Variants in PIP4K2A observed in about 807,000 individuals in gnomAD.
The protein encoded by PIP4K2A is phosphatidylinositol-5-phosphate 4-kinase type 2 alpha.
A neutral mutation model predicts 42.9 loss-of-function variants in PIP4K2A; 14 were observed. That is an observed-to-expected ratio of 0.33 (90% CI 0.22 to 0.51). The LOEUF is 0.51. Among genes scored for constraint, PIP4K2A ranks in the 20% least tolerant of loss-of-function variants. PIP4K2A has a pLI of 0.97. For missense variants in PIP4K2A, 434 were observed against 519.8 expected (o/e 0.83, Z 1.61); for synonymous variants, 192 against 192.2 (o/e 1.00, Z 0.01).
intron 1 of PIP4K2A, among the ~76,000 whole-genome samples, chr10:22,664,093 A>C: frequency 1.4e-5 from 1 of 71,636 alleles, no homozygotes; most frequent in East Asian, 2.8e-4. Context: ...ATATATACAT[A>C]TATATATATA....
At chr10:22,679,305 T>G (rs1342783624) in intron 1 of PIP4K2A, among the ~76,000 whole-genome samples, 1 of 152,204 alleles carries the variant, frequency 6.6e-6, no homozygotes, top group Non-Finnish European at 1.5e-5. Flanking sequence ...AATAAGTATA[T>G]GGATACCTCC....
At chr10:22,574,773 A>G (rs1224768126) in intron 4 of PIP4K2A, among the ~76,000 whole-genome samples, 4 of 152,178 alleles carry the variant, frequency 2.6e-5, no homozygotes, top group African/African-American at 9.7e-5. Context: ...TGAGTGAAAC[A>G]TTTTCTATTT....
Position 22,539,894 on chromosome 10 carries a change from A to G in PIP4K2A, c.1140+77T>C, listed in dbSNP as rs182207919. The G allele has an allele frequency of 1.5e-5, 9 of 620,458 alleles. No homozygotes were observed. The African/African-American group carries it at 2.7e-4, about 19-fold the overall frequency. 38.4% of individuals were successfully genotyped at this position (620,458 alleles called of 1,614,324 possible). On this transcript the variant is annotated intron_variant, in intron 9 of 9. Coordinates refer to ENST00000376573, the MANE Select transcript of PIP4K2A (RefSeq NM_005028.5). ...GTCACACAGAGGAGCCAGGAGAGAG[A>G]GAGAGAGAGAGAGAGAGGGAGAGAG... is the stretch of plus-strand genomic sequence containing the variant.
At chr10:22,668,480 T>TCA (rs1839391469) in intron 1 of PIP4K2A, among the ~76,000 whole-genome samples, 1 of 152,198 alleles carries the variant, frequency 6.6e-6, no homozygotes, top group Non-Finnish European at 1.5e-5. Flanking sequence ...CTGGATCATA[T>TCA]TGAAATATCA....
At chr10:22,537,711 A>T (rs1031661150) in intron 9 of PIP4K2A, among the ~76,000 whole-genome samples, 5 of 152,216 alleles carry the variant, frequency 3.3e-5, no homozygotes, top group African/African-American at 9.6e-5. Flanking sequence ...CTTAATGACG[A>T]TGACTTAAAA....
intron 4 of PIP4K2A, among the ~76,000 whole-genome samples, chr10:22,576,124 C>G (rs1837113877): frequency 6.6e-6 from 1 of 152,066 alleles, no homozygotes; most frequent in Non-Finnish European, 1.5e-5. Context: ...TACTGCCAAG[C>G]TGCAGGTGAT....
At chr10:22,655,871 T>C (rs1314305718) in intron 1 of PIP4K2A, among the ~76,000 whole-genome samples, 1 of 152,134 alleles carries the variant, frequency 6.6e-6, no homozygotes, top group Non-Finnish European at 1.5e-5. Context: ...CCTTAAGAGC[T>C]GAGTGTGTTG....
chr10:22,575,299 C>A (rs750309915), intron 4 of PIP4K2A, among the ~76,000 whole-genome samples: 1 of 152,136 alleles, frequency 6.6e-6, no homozygotes, highest in African/African-American at 2.4e-5. Context: ...TGCTCCGAGG[C>A]AGTTATTTTT....
At chr10:22,712,913 G>GGTGT (rs35439666) in intron 1 of PIP4K2A, among the ~76,000 whole-genome samples, 2,384 of 147,562 alleles carry the variant, frequency 0.016, 33 homozygotes, top group African/African-American at 0.034. Context: ...CTACATTGAG[G>GGTGT]GTGTGTGTGT....
At chr10:22,658,763 G>C (rs1252096029) in intron 1 of PIP4K2A, among the ~76,000 whole-genome samples, 1 of 152,166 alleles carries the variant, frequency 6.6e-6, no homozygotes, top group Non-Finnish European at 1.5e-5. Flanking sequence ...TTACATACAT[G>C]ATCTCAAAAA....
At chr10:22,562,269 C>G (rs1193536112) in intron 6 of PIP4K2A, among the ~76,000 whole-genome samples, 3 of 152,164 alleles carry the variant, frequency 2.0e-5, no homozygotes, top group Non-Finnish European at 2.9e-5. Flanking sequence ...TTCGGCTTGG[C>G]CGGGCGCGGT....
Position 22,596,205 on chromosome 10 carries a change from C to CAAAAAAAAAAAAAAAAAAA in PIP4K2A, c.340-4443_340-4425dup, listed in dbSNP as rs10681238. Among the ~76,000 whole-genome samples the CAAAAAAAAAAAAAAAAAAA allele has an allele frequency of 6.9e-4, 48 of 69,660 alleles. 3 individuals carry two copies. The highest frequency in any genetic ancestry group is 3.0e-3 in the African/African-American group (47 of 15,798). The allele number at this position is 69,660 out of a possible 152,430, so 45.7% of individuals were successfully genotyped here. ...GGGCAACAAGAGCAAAACTCCGTCT[C>CAAAAAAAAAAAAAAAAAAA]AAAAAAAAAAAAAAAAAAAAGGATT... On this transcript the variant is annotated intron_variant, in intron 3 of 9. Coordinates refer to ENST00000376573, the MANE Select transcript of PIP4K2A (RefSeq NM_005028.5).
intron 1 of PIP4K2A, among the ~76,000 whole-genome samples, chr10:22,696,264 T>C (rs1839970733): frequency 6.6e-6 from 1 of 152,218 alleles, no homozygotes; most frequent in Non-Finnish European, 1.5e-5. Context: ...AGAACTGTGT[T>C]TTTGTTTTTG....
At chr10:22,593,434 T>C (rs1039085274) in intron 3 of PIP4K2A, among the ~76,000 whole-genome samples, 7 of 152,250 alleles carry the variant, frequency 4.6e-5, no homozygotes, top group Non-Finnish European at 1.0e-4. Flanking sequence ...TAAAATTTAT[T>C]AGATAGACTG....
At chr10:22,690,494 A>T (rs1052125351) in intron 1 of PIP4K2A, among the ~76,000 whole-genome samples, 1 of 152,214 alleles carries the variant, frequency 6.6e-6, no homozygotes, top group Non-Finnish European at 1.5e-5. Flanking sequence ...TGAAATACTA[A>T]ATAAAATTTT....
chr10:22,683,305 T>A (rs1467420374), intron 1 of PIP4K2A, among the ~76,000 whole-genome samples: 1 of 152,116 alleles, frequency 6.6e-6, no homozygotes, highest in Non-Finnish European at 1.5e-5. Context: ...TTCACTGTGA[T>A]CTTAAGTCAC....
At chr10:22,674,415 CAAAAAAAAAA>C (rs1002492534) in intron 1 of PIP4K2A, among the ~76,000 whole-genome samples, 11 of 61,130 alleles carry the variant, frequency 1.8e-4, no homozygotes, top group East Asian at 5.3e-4. Flanking sequence ...CACTTGGGAG[CAAAAAAAAAA>C]AAAAAAAAAA....
intron 9 of PIP4K2A, 57 bp downstream of exon 9, chr10:22,539,886 GGAGAGAGAGAGAGAGAGAGAGAGAGGGA>G (rs1292270977): frequency 7.6e-5 from 53 of 699,516 alleles, no homozygotes; most frequent in Non-Finnish European, 1.1e-4. Flanking sequence ...AGAGGAGCCA[GGAGAGAGAGAGAGAGAGAGAGAGAGGGA>G]GAGAGAGAGA....
chr10:22,666,918 G>A (rs757623098), intron 1 of PIP4K2A, among the ~76,000 whole-genome samples: 5 of 152,140 alleles, frequency 3.3e-5, no homozygotes, highest in African/African-American at 1.2e-4. Flanking sequence ...ATCATTGGCC[G>A]ATGCCATTCT....
Sources: gnomAD v4.1 joint callset for allele counts (sites outside exome capture counted in the v4.1 genomes callset) on GRCh38, gnomAD v4.1.1 for gene constraint, MANE v1.5 for transcripts, NCBI Gene and HGNC (gene_info 2026-07-23, HGNC 2026-07-21) for gene names.